The following GRK5 variants were observed in gnomAD, a reference collection of about 807,000 sequenced individuals.
GRK5 encodes the protein G protein-coupled receptor kinase 5, also known as g protein-coupled receptor kinase GRK5.
A neutral mutation model predicts 78.4 loss-of-function variants in GRK5; 40 were observed. The observed-to-expected ratio is 0.51, with a 90% CI of 0.40 to 0.66. The LOEUF is 0.66. Among genes scored for constraint, GRK5 ranks in the 30% least tolerant of loss-of-function variants. GRK5 has a pLI of 0.00. For missense variants in GRK5, 598 were observed against 759.9 expected (o/e 0.79, Z 2.50); for synonymous variants, 289 against 296.8 (o/e 0.97, Z 0.27).
intron 2 of GRK5, among the ~76,000 whole-genome samples, chr10:119,332,768 G>T (rs938909956): frequency 6.6e-6 from 1 of 151,986 alleles, no homozygotes; most frequent in Non-Finnish European, 1.5e-5. Context: ...AATAACACAC[G>T]CTTGTCTCCA....
At chr10:119,347,716 G>A (rs973945117) in intron 2 of GRK5, among the ~76,000 whole-genome samples, 6 of 152,232 alleles carry the variant, frequency 3.9e-5, no homozygotes, top group African/African-American at 9.6e-5. Context: ...CCTGGTTCCC[G>A]GCCCCCGCAC....
chr10:119,298,688 C>T (rs1850123871), intron 1 of GRK5, among the ~76,000 whole-genome samples: 1 of 151,926 alleles, frequency 6.6e-6, no homozygotes, highest in African/African-American at 2.4e-5. Context: ...TTCAGTGCAC[C>T]CCCAGGACCC....
chr10:119,439,809 A>G (rs1459248232), intron 10 of GRK5, 41 bp downstream of exon 10: 1 of 1,598,072 alleles, frequency 6.3e-7, no homozygotes, highest in South Asian at 1.1e-5. Context: ...GAGCATTGCA[A>G]CCCCAAGAAA....
At chr10:119,397,685 A>G (rs1427886425) in intron 4 of GRK5, among the ~76,000 whole-genome samples, 8 of 152,170 alleles carry the variant, frequency 5.3e-5, no homozygotes, top group Non-Finnish European at 1.2e-4. Flanking sequence ...CAGCCTGTGG[A>G]AGGTCTTGGC....
chr10:119,424,243 G>T (rs1428176630), intron 5 of GRK5, among the ~76,000 whole-genome samples: 2 of 152,164 alleles, frequency 1.3e-5, no homozygotes, highest in African/African-American at 2.4e-5. Context: ...TTCAGGTTTG[G>T]CAGGACACAG....
intron 1 of GRK5, among the ~76,000 whole-genome samples, chr10:119,218,080 G>A (rs1485146188): frequency 2.7e-5 from 4 of 150,694 alleles, no homozygotes; most frequent in Non-Finnish European, 5.9e-5. Flanking sequence ...CCGTTTGTGT[G>A]TGTGTGTGTG....
intron 1 of GRK5, among the ~76,000 whole-genome samples, chr10:119,261,029 AG>A (rs1564867729): frequency 1.1e-4 from 1 of 9,450 alleles, no homozygotes; most frequent in Admixed American, 1.2e-3. Context: ...CTGGCCGGGC[AG>A]GGGGCTGACC....
chr10:119,249,341 T>C (rs1302938530), intron 1 of GRK5, among the ~76,000 whole-genome samples: 1 of 152,182 alleles, frequency 6.6e-6, no homozygotes, highest in Non-Finnish European at 1.5e-5. Context: ...AGTGACTTAA[T>C]ATATATATCA....
At chr10:119,302,067 CT>C in intron 1 of GRK5, among the ~76,000 whole-genome samples, 1 of 152,320 alleles carries the variant, frequency 6.6e-6, no homozygotes, top group South Asian at 2.1e-4. Flanking sequence ...GCTTCCTGGA[CT>C]TTTTCCCTTG....
At chr10:119,327,568 G>A (rs1362292345) in intron 2 of GRK5, among the ~76,000 whole-genome samples, 1 of 152,204 alleles carries the variant, frequency 6.6e-6, no homozygotes, top group Non-Finnish European at 1.5e-5. Flanking sequence ...CCAGGGCCTC[G>A]GGTGAGCTGC....
At chr10:119,386,459 GA>G (rs1054922595) in intron 3 of GRK5, among the ~76,000 whole-genome samples, 22 of 152,214 alleles carry the variant, frequency 1.4e-4, no homozygotes, top group East Asian at 5.8e-4. Flanking sequence ...GAAAAGGGGG[GA>G]AAAAAATCCA....
chr10:119,357,437 G>A (rs954941615), intron 2 of GRK5, among the ~76,000 whole-genome samples: 1 of 152,188 alleles, frequency 6.6e-6, no homozygotes, highest in Non-Finnish European at 1.5e-5. Context: ...GTTTGGAAAG[G>A]CTGTGGCTGA....
At position 119,357,820 on chromosome 10, in the gene GRK5, A is replaced by G. The variant is rs56120339; in HGVS notation, c.149-22995A>G. Among the ~76,000 whole-genome samples, 793 of 150,798 alleles carry G rather than the reference A, an allele frequency of 5.3e-3. 6 individuals carry two copies. Among genetic ancestry groups the G allele is most frequent in the African/African-American group, 0.019 (762 of 41,058 alleles). ...CCCTTTATGTCTCTGGTCTTCTCCA[A>G]CATTAGCCATGCCATTGGCAGGGTG... is the stretch of plus-strand genomic sequence containing the variant. On this transcript the variant is annotated intron_variant, in intron 2 of 15. Coordinates refer to ENST00000392870, the MANE Select transcript of GRK5 (RefSeq NM_005308.3).
intron 1 of GRK5, among the ~76,000 whole-genome samples, chr10:119,228,917 A>G (rs2133722159): frequency 6.6e-6 from 1 of 152,264 alleles, no homozygotes; most frequent in African/African-American, 2.4e-5. Context: ...GGGAGATTCT[A>G]GGATTATTCC....
intron 2 of GRK5, among the ~76,000 whole-genome samples, chr10:119,373,324 A>G (rs1302459331): frequency 6.6e-6 from 1 of 152,154 alleles, no homozygotes; most frequent in Non-Finnish European, 1.5e-5. Flanking sequence ...CCTAAATCTC[A>G]TGTTGAATTG....
At chr10:119,230,288 C>G (rs781760144) in intron 1 of GRK5, among the ~76,000 whole-genome samples, 1 of 152,104 alleles carries the variant, frequency 6.6e-6, no homozygotes, top group Non-Finnish European at 1.5e-5. Context: ...GAGTTCCAGA[C>G]TAGCCTAGGC....
intron 2 of GRK5, among the ~76,000 whole-genome samples, chr10:119,375,203 T>C (rs1851603710): frequency 3.3e-5 from 5 of 152,180 alleles, no homozygotes; most frequent in Non-Finnish European, 1.5e-5. Flanking sequence ...CTTGTCCTAA[T>C]TCACCTTCTC....
At chr10:119,288,977 T>A (rs1849905722) in intron 1 of GRK5, among the ~76,000 whole-genome samples, 1 of 152,180 alleles carries the variant, frequency 6.6e-6, no homozygotes. Context: ...GAGGGCTGAG[T>A]CTGTTTATTT....
chr10:119,420,964 G>A (rs1203708627), intron 4 of GRK5, among the ~76,000 whole-genome samples: 1 of 152,190 alleles, frequency 6.6e-6, no homozygotes, highest in Non-Finnish European at 1.5e-5. Context: ...CTTCCTAGGT[G>A]GAAACAAAGG....
Sources: allele counts gnomAD v4.1 joint callset (sites outside exome capture counted in the v4.1 genomes callset), GRCh38; gene constraint gnomAD v4.1.1; transcripts MANE v1.5; gene names NCBI Gene and HGNC (gene_info 2026-07-23, HGNC 2026-07-21).